Variants in GTF2I observed in about 807,000 individuals in gnomAD.
GTF2I encodes the protein general transcription factor IIi, also known as general transcription factor II-I.
In GTF2I, 12 loss-of-function variants were observed where a neutral mutation model predicts 67.6. That is an observed-to-expected ratio of 0.18 (90% CI 0.11 to 0.29). The LOEUF (loss-of-function observed/expected upper bound fraction) is 0.29, where lower values mean the gene tolerates loss of function less well. GTF2I is among the 10% of genes least tolerant of loss of function. GTF2I has a pLI of 1.00. For synonymous variants in GTF2I, 149 were observed against 197.0 expected (o/e 0.76, Z 2.04); for missense variants, 271 against 580.1 (o/e 0.47, Z 5.47).
chr7:74,724,990 CAG>C (rs1305298590), intron 12 of GTF2I, among the ~76,000 whole-genome samples: 4 of 152,068 alleles, frequency 2.6e-5, no homozygotes, highest in Admixed American at 1.3e-4. Context: ...ATTATGGAAA[CAG>C]AGTTTGGGCT....
chr7:74,722,961 A>T (rs1793220589), intron 12 of GTF2I, among the ~76,000 whole-genome samples: 1 of 152,196 alleles, frequency 6.6e-6, no homozygotes, highest in South Asian at 2.1e-4. Context: ...AGTAGGGTTT[A>T]TGATGGGCAG....
intron 1 of GTF2I, among the ~76,000 whole-genome samples, chr7:74,675,999 G>C (rs2131236403): frequency 6.6e-6 from 1 of 152,080 alleles, no homozygotes; most frequent in South Asian, 2.1e-4. Context: ...GACAGAGCAA[G>C]ACTCCATCTA....
intron 1 of GTF2I, among the ~76,000 whole-genome samples, chr7:74,681,099 G>A (rs189699097): frequency 6.6e-6 from 1 of 152,230 alleles, no homozygotes; most frequent in African/African-American, 2.4e-5. Flanking sequence ...GAAACGAAAG[G>A]TGAAGTCAAA....
chr7:74,661,293 G>T (rs1344315409), intron 1 of GTF2I, among the ~76,000 whole-genome samples: 2 of 152,210 alleles, frequency 1.3e-5, no homozygotes, highest in Non-Finnish European at 2.9e-5. Context: ...GTTGATGGTG[G>T]CTGCTTCCCG....
intron 1 of GTF2I, among the ~76,000 whole-genome samples, chr7:74,668,559 A>T (rs1584076732): frequency 6.6e-6 from 1 of 151,018 alleles, no homozygotes; most frequent in African/African-American, 2.4e-5. Flanking sequence ...CTTAAAGATC[A>T]TATTTATTTA....
At chr7:74,710,889 A>G in intron 8 of GTF2I, 143 bp from the exon 9 acceptor site, 1 of 494,870 alleles carries the variant, frequency 2.0e-6, no homozygotes, top group Non-Finnish European at 3.7e-6. Context: ...TACCTAGCAA[A>G]CTTTTGTCTT....
At chr7:74,693,506 C>G (rs906095681) in intron 3 of GTF2I, among the ~76,000 whole-genome samples, 1 of 151,926 alleles carries the variant, frequency 6.6e-6, no homozygotes, top group Non-Finnish European at 1.5e-5. Context: ...GCCTGGTCCC[C>G]CATCATTCCC....
intron 7 of GTF2I, among the ~76,000 whole-genome samples, chr7:74,705,809 C>G (rs1790580268): frequency 6.6e-6 from 1 of 151,886 alleles, no homozygotes; most frequent in Non-Finnish European, 1.5e-5. Flanking sequence ...GGTGATCCAC[C>G]TGCCTCGGCC....
intron 12 of GTF2I, among the ~76,000 whole-genome samples, chr7:74,725,778 AT>A (rs1793692613): frequency 6.6e-6 from 1 of 151,188 alleles, no homozygotes; most frequent in African/African-American, 2.4e-5. Context: ...TATCCCTGAT[AT>A]TTTCAATATT....
At chr7:74,662,256 G>A (rs1395457375) in intron 1 of GTF2I, among the ~76,000 whole-genome samples, 1 of 136,630 alleles carries the variant, frequency 7.3e-6, no homozygotes, top group Non-Finnish European at 1.5e-5. Context: ...CTGTCGCCCA[G>A]GCTGGAGTGC....
chr7:74,718,411 G>A (rs1233994903), intron 11 of GTF2I, among the ~76,000 whole-genome samples: 1 of 152,174 alleles, frequency 6.6e-6, no homozygotes, highest in Non-Finnish European at 1.5e-5. Context: ...AGTCTTGTGT[G>A]CACTTGTGAC....
intron 10 of GTF2I, 79 bp from the exon 11 acceptor site, chr7:74,716,815 G>A: frequency 4.5e-6 from 4 of 895,860 alleles, no homozygotes; most frequent in Non-Finnish European, 7.2e-6. Flanking sequence ...TAGATTGTTT[G>A]CATTGTTACC....
At chr7:74,662,204 CTTTTTTTTTTTT>C (rs59914241) in intron 1 of GTF2I, among the ~76,000 whole-genome samples, 21 of 82,592 alleles carry the variant, frequency 2.5e-4, no homozygotes, top group African/African-American at 6.6e-4. Flanking sequence ...TTTTTTCTTT[CTTTTTTTTTTTT>C]TTTTTTTTTT....
intron 33 of GTF2I, 55 bp downstream of exon 33, chr7:74,758,055 CTT>C (rs1489297801): frequency 7.1e-3 from 904 of 127,322 alleles, no homozygotes; most frequent in South Asian, 0.015. Flanking sequence ...TCTTCTTCTT[CTT>C]TTTTTTTTTT....
intron 8 of GTF2I, among the ~76,000 whole-genome samples, chr7:74,710,596 T>C (rs1437206183): frequency 6.6e-6 from 1 of 152,204 alleles, no homozygotes; most frequent in East Asian, 1.9e-4. Flanking sequence ...ATAAAAGGGA[T>C]GTATTAGGCA....
At chr7:74,706,324 C>CT in intron 7 of GTF2I, 66 bp from the exon 8 acceptor site, 2 of 1,357,260 alleles carry the variant, frequency 1.5e-6, no homozygotes, top group Non-Finnish European at 2.1e-6. Flanking sequence ...GACCCAGAGA[C>CT]TTTGAATGCT....
intron 1 of GTF2I, among the ~76,000 whole-genome samples, chr7:74,661,629 G>C (rs1804501826): frequency 6.6e-6 from 1 of 152,018 alleles, no homozygotes; most frequent in Admixed American, 6.6e-5. Flanking sequence ...GCAGTGAGAT[G>C]AGATCTCACC....
intron 12 of GTF2I, among the ~76,000 whole-genome samples, chr7:74,719,402 A>G (rs935717530): frequency 6.6e-6 from 1 of 152,204 alleles, no homozygotes; most frequent in Non-Finnish European, 1.5e-5. Flanking sequence ...AGAGGCTGAC[A>G]TACAATTTAT....
At chr7:74,658,419 G>A (rs1804130132) in intron 1 of GTF2I, among the ~76,000 whole-genome samples, 1 of 145,514 alleles carries the variant, frequency 6.9e-6, no homozygotes, top group African/African-American at 2.5e-5. Context: ...CGGTGGGGGG[G>A]CGCCTCGCGC....
Sources: allele counts gnomAD v4.1 joint callset (sites outside exome capture counted in the v4.1 genomes callset), GRCh38; gene constraint gnomAD v4.1.1; transcripts MANE v1.5; gene names NCBI Gene and HGNC (gene_info 2026-07-23, HGNC 2026-07-21).